Variants in PDSS1 observed in about 807,000 individuals in gnomAD.
PDSS1 encodes the protein all trans-polyprenyl-diphosphate synthase PDSS1.
In PDSS1, 43 loss-of-function variants were observed where a neutral mutation model predicts 57.5. The observed-to-expected ratio is 0.75, with a 90% confidence interval of 0.59 to 0.96. The LOEUF (loss-of-function observed/expected upper bound fraction) is 0.96, where lower values mean the gene tolerates loss of function less well. Among genes scored for constraint, PDSS1 ranks in the 50% least tolerant of loss-of-function variants. The pLI is 0.00. For missense variants in PDSS1, 438 were observed against 527.8 expected (o/e 0.83, Z 1.67); for synonymous variants, 175 against 191.3 (o/e 0.91, Z 0.70).
intron 5 of PDSS1, among the ~76,000 whole-genome samples, chr10:26,717,200 A>G (rs1394947303): frequency 2.6e-5 from 4 of 152,186 alleles, no homozygotes; most frequent in Admixed American, 6.5e-5. Context: ...TCAGTCAACA[A>G]TTTAGCCATG....
rs1391071916 is a variant in PDSS1 at position 26,724,105 on chromosome 10, A to G, written c.813A>G (p.Ile271Met). 1.2e-6 allele frequency: 2 copies of G among 1,610,552 alleles called. No individual in the cohort carries two copies. Among genetic ancestry groups the G allele is most frequent in the Admixed American group, 1.7e-5 (1 of 60,022 alleles). Residue 271 changes from isoleucine to methionine, a missense_variant, in exon 8 of 12, where the codon ATA becomes ATG. Ile to Met is a conservative substitution (Grantham distance 10, BLOSUM62 1). This residue lies in a region of PDSS1 where 284 missense variants were observed against 390.7 expected (regional missense o/e 0.73). Transcript: ENST00000376215. ...CATTCAAGAAGACCGCCAGCCTGAT[A>G]GCCAACAGTTGTAAAGCAGTATGTA... ...EKTFKKTASLIANSCKAVSVL... is the reference protein window; with the variant it reads ...EKTFKKTASLMANSCKAVSVL...
rs1327562567 is a variant in PDSS1, at chr10:26,723,842, T to A, written c.646T>A (p.Ser216Thr). 3.1e-6 allele frequency: 5 copies of A among 1,613,418 alleles called. No individual in the cohort carries two copies. In the African/African-American group the frequency reaches 6.7e-5, roughly 22 times the overall value. The change falls in exon 7 of 12, where the codon TCT (serine) becomes ACT (threonine). Residue 216 changes from serine to threonine, a missense_variant. Ser to Thr is a moderately conservative substitution (Grantham distance 58). Around this residue, in one of 2 missense-constraint regions of PDSS1, gnomAD observed 284 missense variants for 390.7 expected, o/e 0.73. Transcript: ENST00000376215. ...LAGDLILSAA[S>T]IALARIGNTT... ...TGGAGATTTAATTCTTTCTGCAGCA[T>A]CTATAGCTCTGGCACGAATTGGAAA...
rs991363813 is a variant in PDSS1 at position 26,717,130 on chromosome 10, T to A, written c.468-3088T>A. On this transcript the variant is annotated intron_variant, in intron 5 of 11. Coordinates refer to ENST00000376215, the MANE Select transcript of PDSS1 (RefSeq NM_014317.5). ...TATGGAACATCTGAAATATGATGTA[T>A]ATTCTACGTAGAAGCTGTGTTACAG... is the stretch of plus-strand genomic sequence containing the variant. 3.3e-5 allele frequency among the ~76,000 whole-genome samples: 5 copies of A among 152,228 alleles called. 1 individual carries two copies. The highest frequency in any genetic ancestry group is 9.6e-5 in the African/African-American group (4 of 41,466).
At chr10:26,709,572 A>G in intron 4 of PDSS1, 66 bp from the exon 5 acceptor site, 2 of 1,542,852 alleles carry the variant, frequency 1.3e-6, no homozygotes, top group East Asian at 2.3e-5. Context: ...AAAAAAAAAA[A>G]GAAATCCTGT....
intron 5 of PDSS1, among the ~76,000 whole-genome samples, chr10:26,714,362 C>T (rs1420585262): frequency 6.6e-6 from 1 of 151,660 alleles, no homozygotes; most frequent in African/African-American, 2.4e-5. Flanking sequence ...TAAATCCCAG[C>T]TACTCAGGAG....
intron 1 of PDSS1, 138 bp downstream of exon 1, chr10:26,697,978 G>GT: frequency 1.3e-6 from 1 of 797,752 alleles, no homozygotes; most frequent in Non-Finnish European, 1.7e-6. Flanking sequence ...TAGCTCCGGG[G>GT]TGGGACTCCG....
intron 8 of PDSS1, among the ~76,000 whole-genome samples, chr10:26,728,871 C>T (rs538107138): frequency 8.0e-5 from 12 of 150,698 alleles, no homozygotes; most frequent in African/African-American, 2.0e-4. Context: ...CTCCACCTCC[C>T]GGGCTCAGGT....
At chr10:26,706,164 G>A (rs1421276199) in intron 4 of PDSS1, among the ~76,000 whole-genome samples, 4 of 152,192 alleles carry the variant, frequency 2.6e-5, no homozygotes, top group African/African-American at 9.7e-5. Context: ...ACCAATTTAG[G>A]AGGCCAAAGC....
Position 26,742,484 on chromosome 10 carries a change from CT to C in PDSS1, c.1027-6del, listed in dbSNP as rs527296865. ...AAATAGATTTTCTCAGATTTTCTCT[CT>C]TTTTTTGTTAGTTCCCAGAAATGAA... On this transcript the variant is annotated splice_polypyrimidine_tract_variant and intron_variant, in intron 10 of 11. Transcript: ENST00000376215. The C allele has an allele frequency of 1.3e-6, 2 of 1,593,878 alleles. No individual in the cohort carries two copies. The highest frequency in any genetic ancestry group is 8.6e-7 in the Non-Finnish European group (1 of 1,163,076).
At chr10:26,720,034 G>C (rs1835733129) in intron 5 of PDSS1, 184 bp from the exon 6 acceptor site, 9 of 753,888 alleles carry the variant, frequency 1.2e-5, no homozygotes, top group Non-Finnish European at 1.7e-5. Context: ...TGTAGTTGTG[G>C]CAGGGTTTCT....
At chr10:26,745,814 C>T (rs1836842138) in intron 11 of PDSS1, among the ~76,000 whole-genome samples, 1 of 151,166 alleles carries the variant, frequency 6.6e-6, no homozygotes, top group Non-Finnish European at 1.5e-5. Context: ...GTCATGCACT[C>T]TAGCTTGGGT....
At chr10:26,723,711 C>G (rs1835858794) in intron 6 of PDSS1, 95 bp from the exon 7 acceptor site, 2 of 854,630 alleles carry the variant, frequency 2.3e-6, no homozygotes, top group Admixed American at 1.7e-5. Context: ...TGAGCCCCCA[C>G]TTCCACGAAG....
chr10:26,746,330 T>C lies in PDSS1; in HGVS notation c.1108-3T>C, dbSNP rs202175213. 2.8e-4 allele frequency: 444 copies of C among 1,614,060 alleles called. 3 individuals are homozygous for C. The East Asian group carries it at 7.4e-3, about 27-fold the overall frequency. ...CTGTTCTGTTTTGTTCTGTATCTTA[T>C]AGAGTGATGGTGTGCAACAAACAAC... On this transcript the variant is annotated splice_polypyrimidine_tract_variant and splice_region_variant and intron_variant, in intron 11 of 11. Transcript: ENST00000376215.
At chr10:26,698,105 A>G (rs2132197487) in intron 1 of PDSS1, among the ~76,000 whole-genome samples, 1 of 152,006 alleles carries the variant, frequency 6.6e-6, no homozygotes, top group South Asian at 2.1e-4. Flanking sequence ...TGGGGGGTGG[A>G]GAAAGCGGTG....
At chr10:26,698,696 A>G (rs1372217649) in intron 1 of PDSS1, among the ~76,000 whole-genome samples, 4 of 152,212 alleles carry the variant, frequency 2.6e-5, no homozygotes, top group African/African-American at 9.6e-5. Flanking sequence ...ATTTGAATTT[A>G]GTACTCTTTT....
chr10:26,706,593 TCA>T (rs1835226113), intron 4 of PDSS1, among the ~76,000 whole-genome samples: 1 of 152,180 alleles, frequency 6.6e-6, no homozygotes, highest in African/African-American at 2.4e-5. Flanking sequence ...CATTGGGTGT[TCA>T]GTTTCTTCAC....
intron 6 of PDSS1, among the ~76,000 whole-genome samples, chr10:26,722,469 C>G (rs367660418): frequency 2.6e-4 from 40 of 152,202 alleles, no homozygotes; most frequent in African/African-American, 9.4e-4. Flanking sequence ...CTTTGGGAGG[C>G]CGAGGCAGTT....
Position 26,697,789 on chromosome 10 carries a change from C to T in PDSS1, c.78C>T (p.Pro26=), listed in dbSNP as rs1039558873. 1.5e-6 allele frequency: 2 copies of T among 1,309,786 alleles called. No individual in the cohort carries two copies. The highest frequency in any genetic ancestry group is 3.2e-5 in the East Asian group (1 of 31,710). The allele number at this position is 1,309,786 out of a possible 1,614,324, so 81.1% of individuals were successfully genotyped here. A position where few individuals can be genotyped will look rare whatever the true frequency, so the allele number is the denominator to read the frequency against. The change falls in exon 1 of 12, where the codon CCC becomes CCT. Residue 26 remains proline, a synonymous_variant. Coordinates refer to ENST00000376215, the MANE Select transcript of PDSS1 (RefSeq NM_014317.5). The part of the protein sequence containing the change: ...PAARSPGPGS[P]GRAGPLGPSA... Reference sequence around the variant, plus strand: ...CGCGGAGCCCCGGGCCCGGCTCCCCCGGCCGTGCGGGACCGTTGGGGCCGA... The same window carrying T: ...CGCGGAGCCCCGGGCCCGGCTCCCCTGGCCGTGCGGGACCGTTGGGGCCGA...
chr10:26,708,588 C>T (rs1404007938), intron 4 of PDSS1, among the ~76,000 whole-genome samples: 1 of 152,200 alleles, frequency 6.6e-6, no homozygotes, highest in East Asian at 1.9e-4. Context: ...TCCGGCAGCC[C>T]ATGCCTTATA....
Sources: allele counts gnomAD v4.1 joint callset (sites outside exome capture counted in the v4.1 genomes callset), GRCh38; gene constraint gnomAD v4.1.1; regional missense constraint gnomAD v4.1.1; transcripts MANE v1.5; gene names NCBI Gene and HGNC (gene_info 2026-07-23, HGNC 2026-07-21).